Variants in CCDC171 observed in about 807,000 individuals in gnomAD.
The protein encoded by CCDC171 is coiled-coil domain containing 171, also known as coiled-coil domain-containing protein 171.
CCDC171 carries 177 observed loss-of-function variants against 168.2 expected under a neutral mutation model. The observed-to-expected ratio is 1.05, with a 90% CI of 0.93 to 1.19. The LOEUF (loss-of-function observed/expected upper bound fraction) is 1.19, where lower values mean the gene tolerates loss of function less well. Ranked by LOEUF, CCDC171 falls within the 50% of genes most tolerant of loss-of-function variation. CCDC171 has a pLI of 0.00. For missense variants in CCDC171, 1,991 were observed against 1,539.0 expected, an observed-to-expected ratio of 1.29 and a Z score of -4.91; for synonymous variants, 687 against 540.8, an observed-to-expected ratio of 1.27 and a Z score of -3.75.
chr9:15,794,502 A>G (rs935192783), intron 21 of CCDC171, among the ~76,000 whole-genome samples: 4 of 148,892 alleles, frequency 2.7e-5, no homozygotes, highest in African/African-American at 9.8e-5. Context: ...AAAGTCATGA[A>G]TGGATGTTGG....
chr9:15,885,120 T>C (rs557170374), intron 24 of CCDC171, among the ~76,000 whole-genome samples: 2 of 152,336 alleles, frequency 1.3e-5, no homozygotes, highest in South Asian at 4.1e-4. Context: ...TGTCACCTTT[T>C]CATCATTTAA....
intron 24 of CCDC171, among the ~76,000 whole-genome samples, chr9:15,912,041 T>C (rs1351291094): frequency 2.0e-5 from 3 of 152,142 alleles, no homozygotes; most frequent in Non-Finnish European, 4.4e-5. Flanking sequence ...GCTCTCTTTT[T>C]GTTCCATATG....
At chr9:16,058,496 G>A (rs951712441) in intron 1 of CCDC171, among the ~76,000 whole-genome samples, 2 of 152,166 alleles carry the variant, frequency 1.3e-5, no homozygotes, top group African/African-American at 4.8e-5. Context: ...TCTCCACACG[G>A]GGGCCTGTTC....
intron 25 of CCDC171, among the ~76,000 whole-genome samples, chr9:15,943,740 T>G (rs899759857): frequency 6.6e-6 from 1 of 152,028 alleles, no homozygotes; most frequent in African/African-American, 2.4e-5. Flanking sequence ...TAGTTGTATC[T>G]GCACATGGAT....
At chr9:15,984,693 A>G (rs576872988) in intron 3 of CCDC171, among the ~76,000 whole-genome samples, 4 of 152,286 alleles carry the variant, frequency 2.6e-5, no homozygotes, top group South Asian at 4.1e-4. Context: ...TAGAATATTT[A>G]TCAACATTAC....
At chr9:15,786,285 G>C (rs1305021413) in intron 21 of CCDC171, among the ~76,000 whole-genome samples, 2 of 151,924 alleles carry the variant, frequency 1.3e-5, no homozygotes, top group Non-Finnish European at 2.9e-5. Flanking sequence ...GAGCATTCTT[G>C]CTTACCAACC....
Position 15,848,953 on chromosome 9 carries a change from G to C in CCDC171, c.3468+6G>C. 6.7e-7 allele frequency: 1 copy of C among 1,488,514 alleles called. No homozygotes were observed. The highest frequency in any genetic ancestry group is 1.3e-5 in the South Asian group (1 of 78,114). The allele number at this position is 1,488,514 out of a possible 1,614,324, so 92.2% of individuals were successfully genotyped here. On this transcript the variant is annotated splice_donor_region_variant and intron_variant, in intron 23 of 25. Transcript: ENST00000380701. ...TAGAAAATACGCTTCACAAGGTACTGTTATTTTTCTTTAATATTGTTCAAT... is the reference window on the plus strand; with the variant it reads ...TAGAAAATACGCTTCACAAGGTACTCTTATTTTTCTTTAATATTGTTCAAT...
At chr9:15,881,688 T>G (rs1818663199) in intron 24 of CCDC171, among the ~76,000 whole-genome samples, 1 of 152,170 alleles carries the variant, frequency 6.6e-6, no homozygotes, top group South Asian at 2.1e-4. Context: ...GAGAGTCACC[T>G]TTTTAGCTCC....
intron 18 of CCDC171, among the ~76,000 whole-genome samples, chr9:15,764,520 G>C (rs1338791449): frequency 6.6e-6 from 1 of 152,146 alleles, no homozygotes. Flanking sequence ...ATCAAGAATG[G>C]CTTCAAGGCT....
chr9:15,756,179 A>G (rs1347511975), intron 18 of CCDC171, among the ~76,000 whole-genome samples: 1 of 152,164 alleles, frequency 6.6e-6, no homozygotes, highest in African/African-American at 2.4e-5. Context: ...CAACAAACTC[A>G]ACATAGAGAG....
At chr9:15,967,404 A>G (rs1032363917) in intron 25 of CCDC171, among the ~76,000 whole-genome samples, 1 of 152,248 alleles carries the variant, frequency 6.6e-6, no homozygotes, top group African/African-American at 2.4e-5. Flanking sequence ...CATCATCTAA[A>G]TTGTGGCTAA....
intron 24 of CCDC171, among the ~76,000 whole-genome samples, chr9:15,899,381 A>G (rs1283201301): frequency 6.6e-6 from 1 of 152,162 alleles, no homozygotes; most frequent in East Asian, 1.9e-4. Context: ...AGCTATATGT[A>G]AGTTACATTT....
intron 24 of CCDC171, among the ~76,000 whole-genome samples, chr9:15,916,597 C>A (rs1012681903): frequency 6.6e-6 from 1 of 151,878 alleles, no homozygotes; most frequent in Non-Finnish European, 1.5e-5. Context: ...TCCCATTGTT[C>A]CTGATGTTCA....
chr9:15,807,198 C>G (rs1322328320), intron 21 of CCDC171, among the ~76,000 whole-genome samples: 1 of 152,154 alleles, frequency 6.6e-6, no homozygotes, highest in Admixed American at 6.5e-5. Context: ...TATCCATATT[C>G]TGAATTCTAT....
At chr9:15,909,796 A>T (rs117395772) in intron 24 of CCDC171, among the ~76,000 whole-genome samples, 1 of 152,196 alleles carries the variant, frequency 6.6e-6, no homozygotes, top group Non-Finnish European at 1.5e-5. Context: ...CCTGGTGCCA[A>T]TGAAGACACA....
intron 13 of CCDC171, 35 bp from the exon 14 acceptor site, chr9:15,724,741 C>T: frequency 6.6e-7 from 1 of 1,517,468 alleles, no homozygotes; most frequent in Non-Finnish European, 9.1e-7. Context: ...GTTGGCTGGC[C>T]TTTCTACAAT....
At chr9:15,847,209 C>T (rs143045597) in intron 22 of CCDC171, among the ~76,000 whole-genome samples, 3 of 151,920 alleles carry the variant, frequency 2.0e-5, no homozygotes, top group African/African-American at 2.4e-5. Context: ...CCACTGTCTC[C>T]GAAATTTTGT....
chr9:15,570,441 GCTT>G (rs2040135406), intron 2 of CCDC171, among the ~76,000 whole-genome samples: 1 of 151,690 alleles, frequency 6.6e-6, no homozygotes, highest in Non-Finnish European at 1.5e-5. Context: ...TTCAAGGCAT[GCTT>G]CTTTTCTATG....
intron 21 of CCDC171, among the ~76,000 whole-genome samples, chr9:15,842,292 G>A (rs1197346325): frequency 2.0e-5 from 3 of 152,012 alleles, no homozygotes; most frequent in East Asian, 3.9e-4. Context: ...ATGGTCTAAA[G>A]CACTGCTATA....
Sources: allele counts gnomAD v4.1 joint callset (sites outside exome capture counted in the v4.1 genomes callset), GRCh38; gene constraint gnomAD v4.1.1; transcripts MANE v1.5; gene names NCBI Gene and HGNC (gene_info 2026-07-23, HGNC 2026-07-21).